Variants in GRHL2 observed in about 807,000 individuals in gnomAD.
GRHL2 encodes grainyhead-like protein 2 homolog.
GRHL2 carries 21 observed loss-of-function variants against 83.8 expected under a neutral mutation model. The observed-to-expected ratio is 0.25, with a 90% CI of 0.18 to 0.36. The LOEUF (loss-of-function observed/expected upper bound fraction) is 0.36. Ranked by LOEUF, GRHL2 falls within the 10% of genes least tolerant of loss-of-function variation. The pLI, the probability that GRHL2 is intolerant of heterozygous loss-of-function variation, is 1.00. For missense variants in GRHL2, 623 were observed against 781.8 expected, an observed-to-expected ratio of 0.80 and a Z score of 2.42; for synonymous variants, 280 against 278.9, an observed-to-expected ratio of 1.00 and a Z score of -0.04.
At chr8:101,578,421 A>T (rs1280070299) in intron 7 of GRHL2, among the ~76,000 whole-genome samples, 2 of 152,162 alleles carry the variant, frequency 1.3e-5, no homozygotes. Context: ...AGTGCCTCCC[A>T]TCGGCAGAAT....
chr8:101,512,471 T>C (rs924154485), intron 1 of GRHL2, among the ~76,000 whole-genome samples: 2 of 152,156 alleles, frequency 1.3e-5, no homozygotes, highest in African/African-American at 4.8e-5. Context: ...TTATTAAATA[T>C]GTTTTATTTT....
intron 1 of GRHL2, among the ~76,000 whole-genome samples, chr8:101,522,340 G>A (rs888238284): frequency 6.6e-6 from 1 of 152,040 alleles, no homozygotes; most frequent in Non-Finnish European, 1.5e-5. Flanking sequence ...TATTTTCCTA[G>A]CATTTACATT....
intron 7 of GRHL2, among the ~76,000 whole-genome samples, chr8:101,584,403 G>A (rs1481894069): frequency 2.0e-5 from 3 of 151,932 alleles, no homozygotes; most frequent in South Asian, 2.1e-4. Flanking sequence ...ATTTCTTCAC[G>A]TTTGATTCTC....
intron 9 of GRHL2, among the ~76,000 whole-genome samples, chr8:101,623,351 G>A (rs1364723162): frequency 6.6e-6 from 1 of 152,210 alleles, no homozygotes; most frequent in Non-Finnish European, 1.5e-5. Context: ...ACAGTTCAGA[G>A]TACACAGTAG....
At chr8:101,518,215 C>A (rs1033477704) in intron 1 of GRHL2, among the ~76,000 whole-genome samples, 1 of 152,168 alleles carries the variant, frequency 6.6e-6, no homozygotes, top group Non-Finnish European at 1.5e-5. Flanking sequence ...ATTAATCCAG[C>A]CTGGTCAACG....
At chr8:101,533,441 C>T (rs771874667) in intron 1 of GRHL2, among the ~76,000 whole-genome samples, 1 of 152,096 alleles carries the variant, frequency 6.6e-6, no homozygotes, top group Non-Finnish European at 1.5e-5. Context: ...TAATTGACTA[C>T]CAAGTATGTC....
rs531795141 is a variant in GRHL2, at chr8:101,562,295, C to T, written c.678+3483C>T. The T allele has an allele frequency of 7.8e-5, 47 of 601,196 alleles. No homozygotes were observed. The Middle Eastern group carries it at 1.4e-3, about 18-fold the overall frequency. The allele number at this position is 601,196 out of a possible 1,614,324, so 37.2% of individuals were successfully genotyped here. On this transcript the variant is annotated intron_variant, in intron 4 of 15. Coordinates refer to ENST00000646743, the MANE Select transcript of GRHL2 (RefSeq NM_024915.4). ...ATTTTTCAAATTCAAATGAATTATACGCCGTAAGCCCTTTACCAGCTGCTT... is the reference window on the plus strand; with the variant it reads ...ATTTTTCAAATTCAAATGAATTATATGCCGTAAGCCCTTTACCAGCTGCTT...
intron 1 of GRHL2, among the ~76,000 whole-genome samples, chr8:101,540,950 T>C (rs570709998): frequency 3.9e-5 from 6 of 152,296 alleles, no homozygotes; most frequent in African/African-American, 1.4e-4. Flanking sequence ...ATTGTACCAA[T>C]GTTTATTATA....
At chr8:101,503,727 T>A (rs1810278289) in intron 1 of GRHL2, among the ~76,000 whole-genome samples, 1 of 152,194 alleles carries the variant, frequency 6.6e-6, no homozygotes, top group African/African-American at 2.4e-5. Flanking sequence ...AGTGAGATGA[T>A]GGGACACTAT....
chr8:101,584,604 T>G (rs1359139839), intron 7 of GRHL2, among the ~76,000 whole-genome samples: 1 of 151,658 alleles, frequency 6.6e-6, no homozygotes, highest in African/African-American at 2.4e-5. Context: ...AAAAAAAGAG[T>G]TTTTTTTATT....
intron 5 of GRHL2, among the ~76,000 whole-genome samples, chr8:101,571,947 G>A (rs1309299387): frequency 6.6e-6 from 1 of 152,150 alleles, no homozygotes; most frequent in Non-Finnish European, 1.5e-5. Context: ...ACTTGACCTC[G>A]TTTCTCTTTC....
At chr8:101,574,678 G>A (rs998749949) in intron 6 of GRHL2, among the ~76,000 whole-genome samples, 7 of 152,352 alleles carry the variant, frequency 4.6e-5, no homozygotes, top group East Asian at 1.9e-4. Context: ...CAGGTTCCAC[G>A]CAAGGCTGAG....
rs1263067062 is a variant in GRHL2 at position 101,669,698 on chromosome 8, AAAT to A, written c.*2998_*3000del. On this transcript the variant is annotated 3_prime_UTR_variant, in exon 16 of 16. Coordinates refer to ENST00000646743, the MANE Select transcript of GRHL2 (RefSeq NM_024915.4). ...TTTTTTGTACATTTTTAAGGAGAAA[AAAT>A]AAATATTCATAACATAAGAGTAAAA... is the stretch of plus-strand genomic sequence containing the variant. 8 of 152,016 alleles carry A rather than the reference AAAT, an allele frequency of 5.3e-5. No individual in the cohort carries two copies. The South Asian group carries it at 1.0e-3, about 20-fold the overall frequency. The allele number at this position is 152,016 out of a possible 1,614,324, so 9.4% of individuals were successfully genotyped here.
Position 101,641,354 on chromosome 8 carries a change from G to A in GRHL2, c.1518-2777G>A, listed in dbSNP as rs149642168. Reference sequence around the variant, plus strand: ...ACTTCCATTTAGGTAGGGCATTCATGGTAACCGCATACATAGGCCACAAGC... The same window carrying A: ...ACTTCCATTTAGGTAGGGCATTCATAGTAACCGCATACATAGGCCACAAGC... On this transcript the variant is annotated intron_variant, in intron 12 of 15. Transcript: ENST00000646743. 2.0e-5 allele frequency among the ~76,000 whole-genome samples: 3 copies of A among 152,198 alleles called. No homozygotes were observed. The East Asian group carries it at 5.8e-4, about 29-fold the overall frequency.
At chr8:101,641,601 G>A (rs191943549) in intron 12 of GRHL2, among the ~76,000 whole-genome samples, 81 of 152,202 alleles carry the variant, frequency 5.3e-4, no homozygotes, top group African/African-American at 1.9e-3. Flanking sequence ...TATACCTCAG[G>A]GACTTGATTT....
intron 3 of GRHL2, among the ~76,000 whole-genome samples, chr8:101,553,024 A>C (rs1811417011): frequency 6.6e-6 from 1 of 152,246 alleles, no homozygotes; most frequent in African/African-American, 2.4e-5. Flanking sequence ...AAGGAGGCTT[A>C]AAATCCTGAG....
At chr8:101,524,971 T>C (rs1371896483) in intron 1 of GRHL2, among the ~76,000 whole-genome samples, 1 of 152,168 alleles carries the variant, frequency 6.6e-6, no homozygotes, top group Non-Finnish European at 1.5e-5. Flanking sequence ...AGATGGAGTT[T>C]TGCTCTTGTT....
At position 101,648,497 on chromosome 8, in the gene GRHL2, C is replaced by T. The variant is rs1813557982; in HGVS notation, c.1613-917C>T. Among the ~76,000 whole-genome samples, 7 of 152,340 alleles carry T rather than the reference C, an allele frequency of 4.6e-5. No homozygotes were observed. The South Asian group carries it at 1.4e-3, about 32-fold the overall frequency. On this transcript the variant is annotated intron_variant, in intron 13 of 15. Transcript: ENST00000646743. ...GTGTGCAGGCCCTGGGCTAAGCGTG[C>T]CACATGGCTTTTATTTCATTTAACC... is the stretch of plus-strand genomic sequence containing the variant.
chr8:101,518,752 C>T (rs560989544), intron 1 of GRHL2, among the ~76,000 whole-genome samples: 1 of 152,282 alleles, frequency 6.6e-6, no homozygotes, highest in South Asian at 2.1e-4. Context: ...TAGAAAGACC[C>T]CCAAGTTCTT....
Sources: allele counts gnomAD v4.1 joint callset (sites outside exome capture counted in the v4.1 genomes callset), GRCh38; gene constraint gnomAD v4.1.1; transcripts MANE v1.5; gene names NCBI Gene and HGNC (gene_info 2026-07-23, HGNC 2026-07-21).